The following ATP10D variants were observed in gnomAD, a reference collection of about 807,000 sequenced individuals.
ATP10D encodes phospholipid-transporting ATPase VD.
In ATP10D, 89 loss-of-function variants were observed where a neutral mutation model predicts 144.8. That is an observed-to-expected ratio of 0.61 (90% CI 0.52 to 0.73). The LOEUF is 0.73. ATP10D is among the 30% of genes least tolerant of loss of function. ATP10D has a pLI of 0.00. For missense variants in ATP10D, 1,603 were observed against 1,714.8 expected, an observed-to-expected ratio of 0.93 and a Z score of 1.15; for synonymous variants, 571 against 615.1, an observed-to-expected ratio of 0.93 and a Z score of 1.06.
At chr4:47,530,527 G>A (rs1311386670) in intron 5 of ATP10D, among the ~76,000 whole-genome samples, 1 of 152,094 alleles carries the variant, frequency 6.6e-6, no homozygotes. Flanking sequence ...TGCGATCTCA[G>A]TTCACTGCAA....
At chr4:47,556,177 G>A (rs186192092) in intron 11 of ATP10D, among the ~76,000 whole-genome samples, 5 of 152,346 alleles carry the variant, frequency 3.3e-5, no homozygotes, top group Non-Finnish European at 7.3e-5. Flanking sequence ...GCCTCCTTGT[G>A]TGTAACTCTC....
intron 3 of ATP10D, among the ~76,000 whole-genome samples, chr4:47,522,682 G>A (rs918428556): frequency 3.3e-5 from 5 of 152,112 alleles, no homozygotes; most frequent in Non-Finnish European, 7.4e-5. Flanking sequence ...CGATTCTCCC[G>A]TCTCAGCCTC....
chr4:47,492,125 T>C (rs1490517044), intron 1 of ATP10D, among the ~76,000 whole-genome samples: 2 of 152,188 alleles, frequency 1.3e-5, no homozygotes, highest in African/African-American at 4.8e-5. Context: ...AGTTGAAAGA[T>C]TGAAATTACT....
chr4:47,486,691 C>A (rs988553795), intron 1 of ATP10D, among the ~76,000 whole-genome samples: 4 of 152,188 alleles, frequency 2.6e-5, no homozygotes, highest in African/African-American at 4.8e-5. Flanking sequence ...AAATACGTAT[C>A]ATATACCTAC....
At chr4:47,563,245 T>G (rs781419481) in intron 14 of ATP10D, among the ~76,000 whole-genome samples, 7 of 152,164 alleles carry the variant, frequency 4.6e-5, no homozygotes, top group Non-Finnish European at 1.0e-4. Flanking sequence ...AATCCCACCC[T>G]TATCCTTGGG....
chr4:47,535,404 A>G (rs1717790354), intron 5 of ATP10D, 105 bp from the exon 6 acceptor site: 4 of 794,450 alleles, frequency 5.0e-6, no homozygotes, highest in Non-Finnish European at 7.6e-6. Flanking sequence ...TTCTTGTGAA[A>G]TGCCTTTTTA....
rs745700006 is a variant in ATP10D at position 47,536,467 on chromosome 4, A to G, written c.1046A>G (p.Lys349Arg). The change falls in exon 8 of 23, where the codon AAG becomes AGG. Residue 349 changes from lysine (K) to arginine (R), a missense_variant. By Grantham distance (26) the Lys-to-Arg change is conservative. Coordinates refer to ENST00000273859, the MANE Select transcript of ATP10D (RefSeq NM_020453.4). ...GGAATCTGGCTGAGCAGGTATGAAAAGATGCATTTTTTCAATGTTCCCGAG... is the reference window on the plus strand; with the variant it reads ...GGAATCTGGCTGAGCAGGTATGAAAGGATGCATTTTTTCAATGTTCCCGAG... ...GHGIWLSRYE[K>R]MHFFNVPEPD... The G allele has an allele frequency of 7.2e-5, 116 of 1,613,524 alleles. No individual in the cohort carries two copies. Among genetic ancestry groups the G allele is most frequent in the Admixed American group, 2.3e-4 (14 of 59,974 alleles).
At chr4:47,546,442 G>C (rs1189356204) in intron 9 of ATP10D, among the ~76,000 whole-genome samples, 182 bp from the exon 10 acceptor site, 2 of 152,192 alleles carry the variant, frequency 1.3e-5, no homozygotes, top group Non-Finnish European at 2.9e-5. Flanking sequence ...ATTTTGATCT[G>C]ATTGCTTCTC....
At position 47,573,121 on chromosome 4, in the gene ATP10D, G is replaced by C. The variant is rs571375882; in HGVS notation, c.3366+124G>C. 174 of 1,211,832 alleles carry C rather than the reference G, an allele frequency of 1.4e-4. 1 individual carries two copies. The African/African-American group carries it at 1.9e-3, about 13-fold the overall frequency. 75.1% of individuals were successfully genotyped at this position (1,211,832 alleles called of 1,614,324 possible). ...CTTATTGATGTATTGGGAACAGCCAGGACTGGTCTTGCTGTCTTTCCAGAA... is the reference window on the plus strand; with the variant it reads ...CTTATTGATGTATTGGGAACAGCCACGACTGGTCTTGCTGTCTTTCCAGAA... On this transcript the variant is annotated intron_variant, in intron 18 of 22. Coordinates refer to ENST00000273859, the MANE Select transcript of ATP10D (RefSeq NM_020453.4).
chr4:47,527,944 C>T (rs745320061), intron 5 of ATP10D, among the ~76,000 whole-genome samples: 1 of 152,090 alleles, frequency 6.6e-6, no homozygotes, highest in Non-Finnish European at 1.5e-5. Context: ...ATACAATGCT[C>T]ATAGCAGCTT....
chr4:47,516,119 A>G (rs1429522016), intron 3 of ATP10D, among the ~76,000 whole-genome samples: 1 of 151,962 alleles, frequency 6.6e-6, no homozygotes, highest in Admixed American at 6.6e-5. Flanking sequence ...AATCCCAGCT[A>G]CTCAGGAGGC....
intron 3 of ATP10D, 93 bp from the exon 4 acceptor site, chr4:47,522,919 T>G: frequency 9.2e-7 from 1 of 1,083,670 alleles, no homozygotes; most frequent in Non-Finnish European, 1.3e-6. Context: ...AATATATACT[T>G]TAAATTATAC....
chr4:47,578,526 A>G (rs6851221), intron 19 of ATP10D: 37,974 of 152,004 alleles, frequency 0.25, 4,782 homozygotes, highest in Admixed American at 0.32. Flanking sequence ...TGTAAGTCCT[A>G]TTCCTCATGT....
chr4:47,590,365 A>G (rs1720972016), intron 22 of ATP10D, among the ~76,000 whole-genome samples: 1 of 152,130 alleles, frequency 6.6e-6, no homozygotes, highest in Non-Finnish European at 1.5e-5. Flanking sequence ...TAGGAGATTG[A>G]CTGTTAGTAG....
At chr4:47,563,900 T>C (rs934908817) in intron 15 of ATP10D, 135 bp downstream of exon 15, 10 of 954,258 alleles carry the variant, frequency 1.0e-5, no homozygotes, top group African/African-American at 1.7e-5. Flanking sequence ...TTTGTTTGTT[T>C]TGGTTTTTTT....
chr4:47,509,633 A>G (rs748783821), intron 1 of ATP10D, among the ~76,000 whole-genome samples: 1 of 152,224 alleles, frequency 6.6e-6, no homozygotes, highest in Non-Finnish European at 1.5e-5. Context: ...GTAATATACA[A>G]TAGATCTCTT....
chr4:47,525,512 G>A, intron 4 of ATP10D, 45 bp from the exon 5 acceptor site: 3 of 1,368,314 alleles, frequency 2.2e-6, no homozygotes, highest in Non-Finnish European at 3.1e-6. Flanking sequence ...AATATTAAGG[G>A]TTTAACCTTG....
intron 1 of ATP10D, among the ~76,000 whole-genome samples, chr4:47,508,094 C>T (rs957981701): frequency 1.3e-5 from 2 of 152,088 alleles, no homozygotes; most frequent in African/African-American, 4.8e-5. Flanking sequence ...TAACAGGGGC[C>T]CCAAGTGATT....
chr4:47,494,293 A>G (rs1186169312), intron 1 of ATP10D, among the ~76,000 whole-genome samples: 1 of 152,220 alleles, frequency 6.6e-6, no homozygotes, highest in East Asian at 1.9e-4. Context: ...GAATCTTATG[A>G]CTTTCAGTAG....
Sources: allele counts gnomAD v4.1 joint callset (sites outside exome capture counted in the v4.1 genomes callset), GRCh38; gene constraint gnomAD v4.1.1; transcripts MANE v1.5; gene names NCBI Gene and HGNC (gene_info 2026-07-23, HGNC 2026-07-21).